The following CCDC73 variants were observed in gnomAD, a reference collection of about 807,000 sequenced individuals.
The protein encoded by CCDC73 is coiled-coil domain containing 73.
CCDC73 carries 95 observed loss-of-function variants against 116.5 expected under a neutral mutation model. The observed-to-expected ratio is 0.82, with a 90% CI of 0.69 to 0.97. The LOEUF is 0.97. Among genes scored for constraint, CCDC73 ranks in the 50% least tolerant of loss-of-function variants. CCDC73 has a pLI of 0.00. For synonymous variants in CCDC73, 398 were observed against 401.3 expected, an observed-to-expected ratio of 0.99 and a Z score of 0.10; for missense variants, 1,066 against 1,206.8, an observed-to-expected ratio of 0.88 and a Z score of 1.73.
intron 1 of CCDC73, among the ~76,000 whole-genome samples, chr11:32,774,007 T>G (rs533349412): frequency 1.3e-5 from 2 of 152,290 alleles, no homozygotes; most frequent in South Asian, 4.1e-4. Context: ...GCAGTATGCC[T>G]TCTGATAGAA....
upstream of CCDC73, among the ~76,000 whole-genome samples, chr11:32,795,914 T>A (rs1338949937): frequency 6.6e-6 from 1 of 152,196 alleles, no homozygotes; most frequent in African/African-American, 2.4e-5. Flanking sequence ...GGTCTTGAAC[T>A]CCTGACCTCA....
chr11:32,689,101 C>G (rs1470706070), intron 6 of CCDC73, among the ~76,000 whole-genome samples: 1 of 152,044 alleles, frequency 6.6e-6, no homozygotes, highest in Non-Finnish European at 1.5e-5. Context: ...ACTTAACCTA[C>G]CAACACAAAA....
chr11:32,738,286 T>G (rs1363025431), intron 2 of CCDC73, among the ~76,000 whole-genome samples: 1 of 152,234 alleles, frequency 6.6e-6, no homozygotes, highest in African/African-American at 2.4e-5. Flanking sequence ...CAAATTGTTC[T>G]CCGTAGGGGT....
In CCDC73 at chr11:32,648,494, C is replaced by T. The variant is rs535181874; in HGVS notation, c.939+4629G>A. ...ATGAGCTGCTATGATGTGCCAGACA[C>T]TGTTTTAGCTTTTTATGCTACATCA... On this transcript the variant is annotated intron_variant, in intron 12 of 17. Coordinates refer to ENST00000335185, the MANE Select transcript of CCDC73 (RefSeq NM_001008391.4). Among the ~76,000 whole-genome samples the T allele has an allele frequency of 3.9e-5, 6 of 152,018 alleles. No individual in the cohort carries two copies. The South Asian group carries it at 1.2e-3, about 32-fold the overall frequency.
At chr11:32,711,847 T>C (rs1178459504) in intron 3 of CCDC73, among the ~76,000 whole-genome samples, 2 of 152,126 alleles carry the variant, frequency 1.3e-5, no homozygotes, top group African/African-American at 4.8e-5. Flanking sequence ...ACCTCAGCAG[T>C]GTAGACAAGC....
chr11:32,726,088 T>C (rs1343060158), intron 2 of CCDC73, among the ~76,000 whole-genome samples: 1 of 152,058 alleles, frequency 6.6e-6, no homozygotes, highest in Admixed American at 6.5e-5. Flanking sequence ...CAAAAGTAAA[T>C]CTCTCTAAAG....
intron 9 of CCDC73, among the ~76,000 whole-genome samples, chr11:32,666,229 C>G (rs1386763413): frequency 2.0e-5 from 3 of 152,202 alleles, no homozygotes; most frequent in Admixed American, 6.5e-5. Context: ...TGGGGAAGTT[C>G]TCCTGGATAA....
At chr11:32,635,053 A>G (rs1855665575) in intron 14 of CCDC73, among the ~76,000 whole-genome samples, 1 of 152,222 alleles carries the variant, frequency 6.6e-6, no homozygotes, top group Non-Finnish European at 1.5e-5. Flanking sequence ...CCAGGAATAA[A>G]TTTAACCTAA....
intron 13 of CCDC73, among the ~76,000 whole-genome samples, chr11:32,640,429 A>G (rs1855722254): frequency 6.6e-6 from 1 of 152,052 alleles, no homozygotes; most frequent in South Asian, 2.1e-4. Context: ...AGTTTGGCAT[A>G]TTTAAGTTTA....
At chr11:32,617,661 G>A (rs1855486573) in intron 14 of CCDC73, among the ~76,000 whole-genome samples, 1 of 152,204 alleles carries the variant, frequency 6.6e-6, no homozygotes, top group Admixed American at 6.5e-5. Context: ...GGATGTGAAG[G>A]CTGAGGGAGA....
chr11:32,631,168 G>A (rs1344591460), intron 14 of CCDC73, among the ~76,000 whole-genome samples: 1 of 152,174 alleles, frequency 6.6e-6, no homozygotes, highest in Non-Finnish European at 1.5e-5. Context: ...CTAATTGATA[G>A]AACACAGACA....
At chr11:32,708,051 G>A (rs993912054) in intron 3 of CCDC73, among the ~76,000 whole-genome samples, 23 of 152,230 alleles carry the variant, frequency 1.5e-4, no homozygotes, top group African/African-American at 5.5e-4. Flanking sequence ...TTAGATTTAA[G>A]CCTTTGATCC....
chr11:32,659,382 G>A (rs923145991), intron 9 of CCDC73, among the ~76,000 whole-genome samples: 12 of 152,136 alleles, frequency 7.9e-5, no homozygotes, highest in African/African-American at 2.2e-4. Context: ...TATGTATGCC[G>A]TCATGCACAT....
chr11:32,708,624 T>C (rs1166065120), intron 3 of CCDC73, among the ~76,000 whole-genome samples: 1 of 152,152 alleles, frequency 6.6e-6, no homozygotes, highest in Non-Finnish European at 1.5e-5. Flanking sequence ...TCCATCTCCT[T>C]GGTTAGGTAT....
intron 9 of CCDC73, among the ~76,000 whole-genome samples, chr11:32,655,805 G>C (rs1294398270): frequency 1.3e-5 from 2 of 152,100 alleles, no homozygotes; most frequent in Admixed American, 6.5e-5. Flanking sequence ...TGTTGTGGAG[G>C]GTGGAACTGA....
At chr11:32,622,265 T>G (rs974683112) in intron 14 of CCDC73, among the ~76,000 whole-genome samples, 3 of 152,088 alleles carry the variant, frequency 2.0e-5, no homozygotes, top group African/African-American at 7.2e-5. Flanking sequence ...AGTCCAAATG[T>G]CCATCAATGA....
At chr11:32,777,640 C>T (rs1163944189) in intron 1 of CCDC73, among the ~76,000 whole-genome samples, 3 of 152,026 alleles carry the variant, frequency 2.0e-5, no homozygotes, top group Non-Finnish European at 4.4e-5. Flanking sequence ...ACTTTCTATA[C>T]TATTGAGACT....
intron 2 of CCDC73, among the ~76,000 whole-genome samples, chr11:32,743,769 C>T (rs1850210227): frequency 6.6e-6 from 1 of 151,644 alleles, no homozygotes; most frequent in Non-Finnish European, 1.5e-5. Context: ...TATCCTGAGA[C>T]TTTGCTGAAG....
intron 7 of CCDC73, among the ~76,000 whole-genome samples, chr11:32,678,873 G>T: frequency 9.0e-6 from 1 of 111,188 alleles, no homozygotes; most frequent in Non-Finnish European, 1.8e-5. Flanking sequence ...ACAGAGCAAG[G>T]CTCCGTCACA....
Sources: allele counts gnomAD v4.1 joint callset (sites outside exome capture counted in the v4.1 genomes callset), GRCh38; gene constraint gnomAD v4.1.1; transcripts MANE v1.5; gene names NCBI Gene and HGNC (gene_info 2026-07-23, HGNC 2026-07-21).